Variants in PLA2G15 observed in about 807,000 individuals in gnomAD.
The protein encoded by PLA2G15 is phospholipase A2 group XV.
Under a neutral mutation model 40.9 loss-of-function variants are expected in PLA2G15, and 20 were observed. The observed-to-expected ratio is 0.49, with a 90% CI of 0.34 to 0.71. The LOEUF is 0.71. Ranked by LOEUF, PLA2G15 falls within the 30% of genes least tolerant of loss-of-function variation. The probability of loss-of-function intolerance (pLI) is 0.01; values close to 1 mark genes in which losing one functional copy is unlikely to be tolerated. For synonymous variants in PLA2G15, 223 were observed against 228.2 expected (o/e 0.98, Z 0.21); for missense variants, 471 against 541.9 (o/e 0.87, Z 1.30).
rs1436849542 is a variant in PLA2G15, at chr16:68,260,320, A to G, written c.*663A>G. 1 of 153,232 alleles carries G rather than the reference A, an allele frequency of 6.5e-6. No individual in the cohort carries two copies. Among genetic ancestry groups the G allele is most frequent in the Non-Finnish European group, 1.5e-5 (1 of 68,574 alleles). 9.5% of individuals were successfully genotyped at this position (153,232 alleles called of 1,614,324 possible). ...TCCTACCTCCCTTACCACCAGGAGC[A>G]TTCAAGCTCTGGATTGGGCAGCAGA... On this transcript the variant is annotated 3_prime_UTR_variant, in exon 6 of 6. Coordinates refer to ENST00000219345, the MANE Select transcript of PLA2G15 (RefSeq NM_012320.4).
chr16:68,249,083 A>G (rs1418849322), intron 1 of PLA2G15, among the ~76,000 whole-genome samples: 1 of 152,194 alleles, frequency 6.6e-6, no homozygotes, highest in African/African-American at 2.4e-5. Context: ...GCTTTTCTGC[A>G]CAAAGATGGT....
chr16:68,245,510 G>C lies in PLA2G15; in HGVS notation c.84G>C (p.Ala28=). ...LFLLLLLMLL[A]DPALPAGRHP... ...TCTTGCTGCTGCTAATGCTGCTCGC[G>C]GACCCAGCGCTCCCGGCCGGACGTC... is the stretch of plus-strand genomic sequence containing the variant. The change falls in exon 1 of 6, where the codon GCG becomes GCC. Residue 28 remains alanine, a synonymous_variant. Transcript: ENST00000219345. 1 of 1,601,258 alleles carries C rather than the reference G, an allele frequency of 6.2e-7. No individual in the cohort carries two copies. The highest frequency in any genetic ancestry group is 1.1e-5 in the South Asian group (1 of 90,108).
chr16:68,245,527 C>A lies in PLA2G15; in HGVS notation c.101C>A (p.Ala34Asp), dbSNP rs1468804563. 5.7e-6 allele frequency: 9 copies of A among 1,590,646 alleles called. No homozygotes were observed. Among genetic ancestry groups the A allele is most frequent in the Non-Finnish European group, 7.7e-6 (9 of 1,173,376 alleles). ...CTGCTCGCGGACCCAGCGCTCCCGG[C>A]CGGACGTCACCCCCCAGTGGTGCTG... ...LMLLADPALPAGRHPPVVLVP... is the reference protein window; with the variant it reads ...LMLLADPALPDGRHPPVVLVP... Residue 34 changes from alanine to aspartate, a missense_variant, in exon 1 of 6, where the codon GCC (alanine) becomes GAC (aspartate). Coordinates refer to ENST00000219345, the MANE Select transcript of PLA2G15 (RefSeq NM_012320.4).
intron 5 of PLA2G15, among the ~76,000 whole-genome samples, chr16:68,257,041 C>T (rs940717645): frequency 2.6e-5 from 4 of 151,934 alleles, no homozygotes; most frequent in Admixed American, 6.6e-5. Context: ...CCACCACACC[C>T]GGCTAATTTT....
chr16:68,252,407 C>A, intron 2 of PLA2G15: 1 of 339,962 alleles, frequency 2.9e-6, no homozygotes, highest in Middle Eastern at 4.3e-4. Context: ...TGTGGCGAGG[C>A]CAGAGCAAGG....
intron 2 of PLA2G15, among the ~76,000 whole-genome samples, chr16:68,250,655 A>G (rs1240045995): frequency 2.0e-5 from 3 of 152,150 alleles, no homozygotes; most frequent in African/African-American, 7.2e-5. Context: ...AGGCAGTCAG[A>G]TCACCTGAGC....
intron 5 of PLA2G15, among the ~76,000 whole-genome samples, chr16:68,258,327 CAT>C (rs1356193880): frequency 6.6e-6 from 1 of 152,170 alleles, no homozygotes; most frequent in Non-Finnish European, 1.5e-5. Context: ...AGTTCAGTGT[CAT>C]AAAAGGGAAA....
At chr16:68,246,264 C>T (rs1351447899) in intron 1 of PLA2G15, among the ~76,000 whole-genome samples, 1 of 152,158 alleles carries the variant, frequency 6.6e-6, no homozygotes, top group Non-Finnish European at 1.5e-5. Flanking sequence ...TGATCACAAC[C>T]CTGGCAACTC....
In PLA2G15 at chr16:68,259,295, C is replaced by T. The variant is rs199559019; in HGVS notation, c.877C>T (p.Arg293Trp). 26 of 1,614,026 alleles carry T rather than the reference C, an allele frequency of 1.6e-5. No individual in the cohort carries two copies. In the Admixed American group the frequency reaches 2.8e-4, roughly 18 times the overall value. ...VQTPTINYTLRDYRKFFQDIG... is the reference protein window; with the variant it reads ...VQTPTINYTLWDYRKFFQDIG... ...GACACCCACAATCAACTACACACTG[C>T]GGGACTACCGCAAGTTCTTCCAGGA... The change falls in exon 6 of 6, where the codon CGG (arginine) becomes TGG (tryptophan). Residue 293 changes from arginine (R) to tryptophan (W), a missense_variant. Physicochemically the swap from Arg to Trp is moderately radical, Grantham distance 101. Coordinates refer to ENST00000219345, the MANE Select transcript of PLA2G15 (RefSeq NM_012320.4). The surrounding 1 kb of genome is among the most constrained non-coding windows in gnomAD (Gnocchi z 6.5).
At chr16:68,252,486 T>G (rs564918842) in intron 2 of PLA2G15, 44 of 455,390 alleles carry the variant, frequency 9.7e-5, no homozygotes, top group African/African-American at 8.6e-4. Context: ...CCCATCACCC[T>G]GTTCCCATCA....
chr16:68,253,628 G>A (rs1311616626), intron 2 of PLA2G15: 1 of 274,214 alleles, frequency 3.6e-6, no homozygotes, highest in East Asian at 1.4e-4. Flanking sequence ...ACGTGCCTCA[G>A]CCTTCCAAAG....
rs1272454503 is a variant in PLA2G15, at chr16:68,254,996, CCTT to C, written c.365_367del (p.Phe122del). ...GTACGTGTCCCTGGCTTTGGGAAGA[CCTT>C]CTCACTGGAGTTCCTGGACCCCAGC... On this transcript the variant is annotated inframe_deletion, in exon 3 of 6. Coordinates refer to ENST00000219345, the MANE Select transcript of PLA2G15 (RefSeq NM_012320.4). The C allele has an allele frequency of 6.2e-7, 1 of 1,613,870 alleles. No homozygotes were observed.
chr16:68,259,488 G>T lies in PLA2G15; in HGVS notation c.1070G>T (p.Gly357Val). Residue 357 changes from glycine to valine, a missense_variant, in exon 6 of 6, where the codon GGT becomes GTT. Coordinates refer to ENST00000219345, the MANE Select transcript of PLA2G15 (RefSeq NM_012320.4). This position sits in a 1 kb window ranked among gnomAD's most constrained non-coding sequence, Gnocchi z 6.5. ...FPDRDPKICF[G>V]DGDGTVNLKS... ...GACCGTGACCCTAAAATCTGCTTTG[G>T]TGACGGCGATGGTACTGTGAACTTG... 1 of 1,613,244 alleles carries T rather than the reference G, an allele frequency of 6.2e-7. No individual in the cohort carries two copies. Among genetic ancestry groups the T allele is most frequent in the Non-Finnish European group, 8.5e-7 (1 of 1,180,020 alleles).
chr16:68,254,595 T>A (rs1398474041), intron 2 of PLA2G15: 3 of 181,846 alleles, frequency 1.6e-5, no homozygotes, highest in African/African-American at 7.2e-5. Flanking sequence ...AGCCTCAGCC[T>A]CCCAAAGTGC....
intron 1 of PLA2G15, among the ~76,000 whole-genome samples, chr16:68,247,517 G>A (rs2042319125): frequency 6.6e-6 from 1 of 152,216 alleles, no homozygotes; most frequent in Admixed American, 6.5e-5. Flanking sequence ...AGGGTAAGGA[G>A]CATCTGAGCA....
At position 68,249,336 on chromosome 16, in the gene PLA2G15, G is replaced by T; in HGVS notation, c.174G>T (p.Pro58=). 1 of 1,614,052 alleles carries T rather than the reference G, an allele frequency of 6.2e-7. No individual in the cohort carries two copies. The highest frequency in any genetic ancestry group is 1.1e-5 in the South Asian group (1 of 91,074). ...GNQLEAKLDK[P]TVVHYLCSKK... ...AACTGGAAGCCAAGCTGGACAAGCC[G>T]ACAGTGGTGCACTACCTCTGCTCCA... The change falls in exon 2 of 6, where the codon CCG becomes CCT. Residue 58 remains proline, a synonymous_variant. Transcript: ENST00000219345.
In PLA2G15 at chr16:68,255,977, C is replaced by T. The variant is rs144608241; in HGVS notation, c.714C>T (p.Arg238=). ...APWGGVAKTL[R]VLASGDNNRI... ...GGGGGGGCGTGGCCAAGACCCTGCG[C>T]GTCCTGGCTTCAGGTAAGACCCTAC... The change falls in exon 5 of 6, where the codon CGC becomes CGT. Residue 238 remains arginine (R), a synonymous_variant. Transcript: ENST00000219345. The surrounding 1 kb of genome is among the most constrained non-coding windows in gnomAD (Gnocchi z 5.9). 1.4e-5 allele frequency: 22 copies of T among 1,602,976 alleles called. No individual in the cohort carries two copies. The highest frequency in any genetic ancestry group is 2.2e-4 in the Middle Eastern group (1 of 4,498).
chr16:68,245,667 C>T lies in PLA2G15; in HGVS notation c.127+114C>T, dbSNP rs1596939861. 9 of 1,229,082 alleles carry T rather than the reference C, an allele frequency of 7.3e-6. No individual in the cohort carries two copies. In the South Asian group the frequency reaches 1.1e-4, roughly 15 times the overall value. The allele number at this position is 1,229,082 out of a possible 1,614,324, so 76.1% of individuals were successfully genotyped here. A position where few individuals can be genotyped will look rare whatever the true frequency, so the allele number is the denominator to read the frequency against. Reference sequence around the variant, plus strand: ...ACGAAATGGGGGAGCGTATTGGTATCTGTCTTGTCACTTAGGTGATCTAGA... The same window carrying T: ...ACGAAATGGGGGAGCGTATTGGTATTTGTCTTGTCACTTAGGTGATCTAGA... On this transcript the variant is annotated intron_variant, in intron 1 of 5. Coordinates refer to ENST00000219345, the MANE Select transcript of PLA2G15 (RefSeq NM_012320.4).
rs771961443 is a variant in PLA2G15 at position 68,255,262 on chromosome 16, C to T, written c.404-20C>T. Reference sequence around the variant, plus strand: ...GGCACTAGCTGTATCTTTTCTTATCCTCTGTATTTCTGTCTACAGGTTCCT... The same window carrying T: ...GGCACTAGCTGTATCTTTTCTTATCTTCTGTATTTCTGTCTACAGGTTCCT... On this transcript the variant is annotated intron_variant, in intron 3 of 5. Coordinates refer to ENST00000219345, the MANE Select transcript of PLA2G15 (RefSeq NM_012320.4). The surrounding 1 kb of genome is among the most constrained non-coding windows in gnomAD (Gnocchi z 5.9). 7.4e-5 allele frequency: 116 copies of T among 1,564,574 alleles called. No homozygotes were observed. Among genetic ancestry groups the T allele is most frequent in the Non-Finnish European group, 9.2e-5 (105 of 1,135,544 alleles).
Sources: gnomAD v4.1 joint callset for allele counts (sites outside exome capture counted in the v4.1 genomes callset) on GRCh38, gnomAD v4.1.1 for gene constraint, Gnocchi (gnomAD v3.1) non-coding constraint, MANE v1.5 for transcripts, NCBI Gene and HGNC (gene_info 2026-07-23, HGNC 2026-07-21) for gene names.